The following DCDC1 variants were observed in gnomAD, a reference collection of about 807,000 sequenced individuals.
DCDC1 encodes the protein doublecortin domain containing 1.
A neutral mutation model predicts 178.3 loss-of-function variants in DCDC1; 200 were observed. The observed-to-expected ratio is 1.12, with a 90% CI of 1.00 to 1.26. The LOEUF is 1.26. Ranked by LOEUF, DCDC1 falls within the 50% of genes most tolerant of loss-of-function variation. DCDC1 has a pLI of 0.00. For missense variants in DCDC1, 1,983 were observed against 1,749.2 expected, an observed-to-expected ratio of 1.13 and a Z score of -2.38; for synonymous variants, 690 against 604.8, an observed-to-expected ratio of 1.14 and a Z score of -2.07.
chr11:30,912,423 A>G (rs1474034464), intron 27 of DCDC1, among the ~76,000 whole-genome samples: 1 of 152,060 alleles, frequency 6.6e-6, no homozygotes, highest in East Asian at 1.9e-4. Flanking sequence ...AGCTGGTACT[A>G]CAGGCATGTG....
intron 8 of DCDC1, among the ~76,000 whole-genome samples, chr11:31,243,068 T>A (rs1977364588): frequency 6.6e-6 from 1 of 151,962 alleles, no homozygotes; most frequent in Non-Finnish European, 1.5e-5. Context: ...CTCATTTTTA[T>A]ACTGTCTTAG....
At chr11:30,977,170 G>A (rs576191996) in intron 20 of DCDC1, among the ~76,000 whole-genome samples, 6 of 151,080 alleles carry the variant, frequency 4.0e-5, no homozygotes, top group Admixed American at 2.6e-4. Flanking sequence ...ACCAGAGACT[G>A]GAAAAGGTGT....
intron 8 of DCDC1, among the ~76,000 whole-genome samples, chr11:31,250,415 C>CACACACACACACACATATAT: frequency 2.7e-5 from 2 of 73,734 alleles, no homozygotes; most frequent in East Asian, 9.3e-4. Flanking sequence ...CACACACACA[C>CACACACACACACACATATAT]ATATACATAT....
At chr11:30,920,481 T>C (rs1946169535) in intron 25 of DCDC1, among the ~76,000 whole-genome samples, 1 of 152,208 alleles carries the variant, frequency 6.6e-6, no homozygotes, top group African/African-American at 2.4e-5. Context: ...TCAATGATTA[T>C]GGAAACAAAA....
At chr11:31,202,545 T>C (rs762369795) in intron 9 of DCDC1, among the ~76,000 whole-genome samples, 18 of 152,166 alleles carry the variant, frequency 1.2e-4, no homozygotes, top group Admixed American at 3.9e-4. Context: ...CACACCAGCC[T>C]AGGCATCAAA....
At chr11:31,249,522 GAAGAC>G (rs1190803068) in intron 8 of DCDC1, among the ~76,000 whole-genome samples, 3 of 152,136 alleles carry the variant, frequency 2.0e-5, no homozygotes, top group Admixed American at 2.0e-4. Context: ...GAAGTCACTA[GAAGAC>G]CCTGAGGACC....
At chr11:31,332,425 T>G (rs561650726) in intron 2 of DCDC1, among the ~76,000 whole-genome samples, 2 of 152,310 alleles carry the variant, frequency 1.3e-5, no homozygotes, top group African/African-American at 4.8e-5. Context: ...TGCTAGCTTT[T>G]GAATTTGTTT....
chr11:31,250,415 C>CACACATATATATATATATATATATAT, intron 8 of DCDC1, among the ~76,000 whole-genome samples: 1 of 73,734 alleles, frequency 1.4e-5, no homozygotes, highest in African/African-American at 5.2e-5. Flanking sequence ...CACACACACA[C>CACACATATATATATATATATATATAT]ATATACATAT....
chr11:31,207,067 T>C (rs944448090), intron 9 of DCDC1, among the ~76,000 whole-genome samples: 2 of 152,180 alleles, frequency 1.3e-5, no homozygotes, highest in Non-Finnish European at 2.9e-5. Context: ...TATATCTACT[T>C]TGGTGAAAGC....
At chr11:31,334,787 G>T (rs549680347) in intron 2 of DCDC1, among the ~76,000 whole-genome samples, 1 of 152,234 alleles carries the variant, frequency 6.6e-6, no homozygotes, top group African/African-American at 2.4e-5. Context: ...CGTCCCAGAG[G>T]GGTACCCGCC....
At chr11:31,277,459 T>C (rs1396936576) in intron 7 of DCDC1, among the ~76,000 whole-genome samples, 2 of 152,174 alleles carry the variant, frequency 1.3e-5, no homozygotes, top group African/African-American at 4.8e-5. Context: ...TGCAGGATTG[T>C]ATTTAAGTGT....
chr11:31,339,877 C>T (rs1950455723), intron 1 of DCDC1, among the ~76,000 whole-genome samples: 1 of 151,918 alleles, frequency 6.6e-6, no homozygotes, highest in Non-Finnish European at 1.5e-5. Flanking sequence ...AGTGTCTAGA[C>T]TGCACCTATC....
intron 9 of DCDC1, among the ~76,000 whole-genome samples, chr11:31,147,567 T>C (rs531425149): frequency 3.7e-4 from 56 of 152,312 alleles, no homozygotes; most frequent in Middle Eastern, 6.8e-3. Context: ...CATTATAATA[T>C]ATGAAGGACT....
At chr11:31,059,899 T>G (rs143094942) in intron 20 of DCDC1, among the ~76,000 whole-genome samples, 1 of 152,188 alleles carries the variant, frequency 6.6e-6, no homozygotes, top group South Asian at 2.1e-4. Context: ...TTTTTACAAT[T>G]TATAATTATA....
Position 31,145,497 on chromosome 11 carries a change from G to A in DCDC1, c.1222-7713C>T, listed in dbSNP as rs1388818684. ...TCACACTCTGCTCTATAAGGGTGGT[G>A]GCCTATCTGGCTTATTTTTTCAGGA... On this transcript the variant is annotated intron_variant, in intron 9 of 38. Coordinates refer to ENST00000684477, the MANE Select transcript of DCDC1 (RefSeq NM_001387274.1). Among the ~76,000 whole-genome samples the A allele has an allele frequency of 2.0e-5, 3 of 152,294 alleles. No individual in the cohort carries two copies. The East Asian group carries it at 5.8e-4, about 29-fold the overall frequency.
chr11:30,907,742 A>T (rs1945165516), intron 29 of DCDC1, among the ~76,000 whole-genome samples: 1 of 152,196 alleles, frequency 6.6e-6, no homozygotes, highest in Non-Finnish European at 1.5e-5. Context: ...AGATGACTGT[A>T]GCCACATTAG....
At chr11:30,991,270 G>T (rs1950964484) in intron 20 of DCDC1, among the ~76,000 whole-genome samples, 2 of 152,164 alleles carry the variant, frequency 1.3e-5, no homozygotes, top group South Asian at 4.2e-4. Flanking sequence ...GAAATAGACT[G>T]TAATACTAGG....
chr11:31,005,915 C>T (rs1196998561), intron 20 of DCDC1, among the ~76,000 whole-genome samples: 1 of 147,172 alleles, frequency 6.8e-6, no homozygotes. Flanking sequence ...CGACCCTTTC[C>T]TCTTTGCCTT....
At chr11:30,979,252 A>T (rs2134774866) in intron 20 of DCDC1, among the ~76,000 whole-genome samples, 1 of 152,334 alleles carries the variant, frequency 6.6e-6, no homozygotes, top group African/African-American at 2.4e-5. Flanking sequence ...GAAACACTTA[A>T]GGCAAGAAAG....
Sources: gnomAD v4.1 joint callset for allele counts (sites outside exome capture counted in the v4.1 genomes callset) on GRCh38, gnomAD v4.1.1 for gene constraint, MANE v1.5 for transcripts, NCBI Gene and HGNC (gene_info 2026-07-23, HGNC 2026-07-21) for gene names.